The following KDM4B variants were observed in gnomAD, a reference collection of about 807,000 sequenced individuals.
KDM4B encodes lysine demethylase 4B.
In KDM4B, 32 loss-of-function variants were observed where a neutral mutation model predicts 125.2. The observed-to-expected ratio is 0.26, with a 90% CI of 0.19 to 0.34. KDM4B has a LOEUF of 0.34. Ranked by LOEUF, KDM4B falls within the 10% of genes least tolerant of loss-of-function variation. The pLI is 1.00. For synonymous variants in KDM4B, 721 were observed against 677.9 expected (o/e 1.06, Z -0.99); for missense variants, 1,190 against 1,577.7 (o/e 0.75, Z 4.16).
intron 7 of KDM4B, chr19:5,075,512 T>C (rs1415825547): frequency 2.0e-5 from 3 of 152,282 alleles, no homozygotes; most frequent in African/African-American, 7.2e-5. Context: ...TCTTGTGATG[T>C]TGGCCAGGCT....
At chr19:4,994,626 A>G (rs1362433094) in intron 1 of KDM4B, among the ~76,000 whole-genome samples, 3 of 149,038 alleles carry the variant, frequency 2.0e-5, no homozygotes, top group Non-Finnish European at 4.5e-5. Context: ...TATAGTATAT[A>G]GTTGGATCTT....
Position 5,057,757 on chromosome 19 carries a change from G to A in KDM4B, c.626+10088G>A, listed in dbSNP as rs2037456485. Reference sequence around the variant, plus strand: ...GGAGCAGGTGCCAGGACGATGTGCAGCCTTGAGGACAGGGTGTGTCCCAAT... The same window carrying A: ...GGAGCAGGTGCCAGGACGATGTGCAACCTTGAGGACAGGGTGTGTCCCAAT... On this transcript the variant is annotated intron_variant, in intron 6 of 22. Coordinates refer to ENST00000159111, the MANE Select transcript of KDM4B (RefSeq NM_015015.3). Among the ~76,000 whole-genome samples, 3 of 152,348 alleles carry A rather than the reference G, an allele frequency of 2.0e-5. 1 individual carries two copies. In the South Asian group the frequency reaches 6.2e-4, roughly 32 times the overall value.
At chr19:4,994,727 TA>T (rs1211042464) in intron 1 of KDM4B, among the ~76,000 whole-genome samples, 1 of 152,206 alleles carries the variant, frequency 6.6e-6, no homozygotes, top group African/African-American at 2.4e-5. Context: ...GTTGGATTTG[TA>T]CCTGCCATTT....
At chr19:5,014,823 G>T (rs1400514526) in intron 1 of KDM4B, among the ~76,000 whole-genome samples, 1 of 151,802 alleles carries the variant, frequency 6.6e-6, no homozygotes, top group African/African-American at 2.4e-5. Flanking sequence ...GTGAAACCCC[G>T]TCTCTACTAA....
In KDM4B at chr19:5,039,832, G is replaced by T; in HGVS notation, c.142-4G>T. On this transcript the variant is annotated splice_region_variant and splice_polypyrimidine_tract_variant and intron_variant, in intron 3 of 22. Transcript: ENST00000159111. ...TGCCACTGACTCCCATCTTGGTCTT[G>T]CAGATCATCCCCCCGAAGGAGTGGA... The T allele has an allele frequency of 6.2e-7, 1 of 1,611,554 alleles. No individual in the cohort carries two copies. The highest frequency in any genetic ancestry group is 8.5e-7 in the Non-Finnish European group (1 of 1,178,986).
intron 11 of KDM4B, among the ~76,000 whole-genome samples, chr19:5,123,954 T>A (rs142191394): frequency 0.018 from 2,477 of 134,592 alleles, 73 homozygotes; most frequent in African/African-American, 0.064. Flanking sequence ...GGGAGGTGGC[T>A]GAGCCGTGAC....
intron 2 of KDM4B, among the ~76,000 whole-genome samples, chr19:5,017,874 G>C (rs919568120): frequency 2.0e-5 from 3 of 151,736 alleles, no homozygotes; most frequent in Non-Finnish European, 4.4e-5. Context: ...CCTAGTAGCT[G>C]GGACTACACG....
Position 5,110,684 on chromosome 19 carries a change from C to T in KDM4B, c.981C>T (p.Pro327=), listed in dbSNP as rs147526641. 81 of 1,612,882 alleles carry T rather than the reference C, an allele frequency of 5.0e-5. 1 individual carries two copies. The highest frequency in any genetic ancestry group is 4.5e-4 in the South Asian group (41 of 91,082). The change falls in exon 10 of 23, where the codon CCC becomes CCT. Residue 327 remains proline (P), a synonymous_variant. Coordinates refer to ENST00000159111, the MANE Select transcript of KDM4B (RefSeq NM_015015.3). ...SMDVFVRILQ[P]ERYELWKQGK... Reference sequence around the variant, plus strand: ...ACGTGTTCGTGCGCATCCTGCAGCCCGAGCGCTACGAGCTGTGGAAGCAGG... The same window carrying T: ...ACGTGTTCGTGCGCATCCTGCAGCCTGAGCGCTACGAGCTGTGGAAGCAGG...
At chr19:5,136,475 G>A (rs568029984) in intron 15 of KDM4B, among the ~76,000 whole-genome samples, 23 of 152,274 alleles carry the variant, frequency 1.5e-4, no homozygotes, top group Non-Finnish European at 2.8e-4. Flanking sequence ...CTGCCTGGGG[G>A]CTCGCGTTGT....
intron 2 of KDM4B, among the ~76,000 whole-genome samples, chr19:5,020,978 C>A (rs971550482): frequency 6.6e-6 from 1 of 151,902 alleles, no homozygotes; most frequent in Non-Finnish European, 1.5e-5. Context: ...GAAACTCCGT[C>A]TCAACTAAAA....
At chr19:5,150,745 GC>G (rs1330359552) in intron 22 of KDM4B, among the ~76,000 whole-genome samples, 1 of 152,166 alleles carries the variant, frequency 6.6e-6, no homozygotes, top group East Asian at 1.9e-4. Flanking sequence ...GACCCTCCCA[GC>G]CCCCTGTGCC....
chr19:5,040,691 C>CCCTGTCTGTGGCCTCCAT (rs1471950577), intron 4 of KDM4B, among the ~76,000 whole-genome samples: 4 of 151,856 alleles, frequency 2.6e-5, no homozygotes, highest in African/African-American at 9.7e-5. Flanking sequence ...GTGGCCTCCA[C>CCCTGTCTGTGGCCTCCAT]CCTGTCTGTG....
chr19:4,982,785 G>C (rs565489374), intron 1 of KDM4B, among the ~76,000 whole-genome samples: 6 of 152,048 alleles, frequency 3.9e-5, no homozygotes, highest in African/African-American at 1.4e-4. Context: ...GCTAATTTTT[G>C]TATTTTTAGT....
intron 6 of KDM4B, among the ~76,000 whole-genome samples, chr19:5,067,932 G>GGTCA (rs2037825449): frequency 6.6e-6 from 1 of 152,168 alleles, no homozygotes; most frequent in East Asian, 1.9e-4. Flanking sequence ...TGGAAACCGA[G>GGTCA]CTCCCAGGGA....
At chr19:5,126,722 G>A (rs1448624416) in intron 11 of KDM4B, among the ~76,000 whole-genome samples, 1 of 152,250 alleles carries the variant, frequency 6.6e-6, no homozygotes, top group African/African-American at 2.4e-5. Flanking sequence ...GCACATCCCA[G>A]CTGGGCCTCT....
In KDM4B at chr19:4,982,143, A is replaced by G. The variant is rs531235165; in HGVS notation, c.-109+12913A>G. ...CCGTCTCTACTAAAAAATACACAAA[A>G]TTAGCCTGGTGTGTTGGTGCAGGCC... On this transcript the variant is annotated intron_variant, in intron 1 of 22. Coordinates refer to ENST00000159111, the MANE Select transcript of KDM4B (RefSeq NM_015015.3). Among the ~76,000 whole-genome samples, 50 of 152,078 alleles carry G rather than the reference A, an allele frequency of 3.3e-4. 1 individual carries two copies. Among genetic ancestry groups the G allele is most frequent in the Non-Finnish European group, 5.4e-4 (37 of 67,990 alleles).
At chr19:5,021,512 G>T (rs2036118825) in intron 2 of KDM4B, among the ~76,000 whole-genome samples, 1 of 152,092 alleles carries the variant, frequency 6.6e-6, no homozygotes, top group Admixed American at 6.5e-5. Flanking sequence ...GTTCCAGGCT[G>T]CAGTGAGCTG....
In KDM4B at chr19:5,081,304, A is replaced by G. The variant is rs1599575233; in HGVS notation, c.781-1063A>G. Among the ~76,000 whole-genome samples the G allele has an allele frequency of 6.6e-6, 1 of 151,792 alleles. No homozygotes were observed. Among genetic ancestry groups the G allele is most frequent in the Admixed American group, 6.6e-5 (1 of 15,260 alleles). ...GCAGCAGGTGGGAGCCATCACTCCA[A>G]ATTTGTTGTTGATCTTTCTGGATGG... On this transcript the variant is annotated intron_variant, in intron 8 of 22. Transcript: ENST00000159111. This position sits in a 1 kb window ranked among gnomAD's most constrained non-coding sequence, Gnocchi z 4.2.
intron 9 of KDM4B, among the ~76,000 whole-genome samples, chr19:5,090,011 AG>A (rs2038637146): frequency 6.6e-6 from 1 of 152,306 alleles, no homozygotes; most frequent in East Asian, 1.9e-4. Context: ...CTCCACAAAA[AG>A]GGGGAAACAA....
Sources: gnomAD v4.1 joint callset for allele counts (sites outside exome capture counted in the v4.1 genomes callset) on GRCh38, gnomAD v4.1.1 for gene constraint, Gnocchi (gnomAD v3.1) non-coding constraint, MANE v1.5 for transcripts, NCBI Gene and HGNC (gene_info 2026-07-23, HGNC 2026-07-21) for gene names.